Variants in SLIT2 observed in about 807,000 individuals in gnomAD.
SLIT2 encodes slit guidance ligand 2.
SLIT2 carries 41 observed loss-of-function variants against 185.7 expected under a neutral mutation model. That is an observed-to-expected ratio of 0.22 (90% CI 0.17 to 0.29). SLIT2 has a LOEUF of 0.29. Ranked by LOEUF, SLIT2 falls within the 10% of genes least tolerant of loss-of-function variation. The probability of loss-of-function intolerance (pLI) is 1.00; values close to 1 mark genes in which losing one functional copy is unlikely to be tolerated. For synonymous variants in SLIT2, 693 were observed against 680.2 expected, an observed-to-expected ratio of 1.02 and a Z score of -0.29; for missense variants, 1,571 against 1,909.0, an observed-to-expected ratio of 0.82 and a Z score of 3.30.
intron 33 of SLIT2, among the ~76,000 whole-genome samples, chr4:20,604,443 G>A (rs1021331929): frequency 3.3e-5 from 5 of 152,080 alleles, no homozygotes; most frequent in South Asian, 4.2e-4. Context: ...TCTGCCACCC[G>A]GGTTCATGCC....
chr4:20,558,217 A>G (rs750708308), intron 26 of SLIT2, among the ~76,000 whole-genome samples: 3 of 152,064 alleles, frequency 2.0e-5, no homozygotes, highest in Non-Finnish European at 4.4e-5. Flanking sequence ...ATAAAAGGCT[A>G]TCAAACAGCA....
At chr4:20,366,210 TC>T in intron 4 of SLIT2, among the ~76,000 whole-genome samples, 1 of 152,056 alleles carries the variant, frequency 6.6e-6, no homozygotes, top group East Asian at 1.9e-4. Flanking sequence ...TTCCTCTCTT[TC>T]TCCTACTCTT....
chr4:20,513,465 A>G (rs1719931013), intron 11 of SLIT2, among the ~76,000 whole-genome samples: 1 of 152,190 alleles, frequency 6.6e-6, no homozygotes. Flanking sequence ...ATAACTACAC[A>G]CATTTGCAAT....
At chr4:20,377,932 T>C (rs1355854614) in intron 4 of SLIT2, among the ~76,000 whole-genome samples, 1 of 152,196 alleles carries the variant, frequency 6.6e-6, no homozygotes, top group African/African-American at 2.4e-5. Flanking sequence ...AAAAACTATA[T>C]TGAAATCAAT....
At chr4:20,531,241 T>A (rs929909380) in intron 16 of SLIT2, among the ~76,000 whole-genome samples, 2 of 152,138 alleles carry the variant, frequency 1.3e-5, no homozygotes, top group African/African-American at 4.8e-5. Flanking sequence ...TCCTAACTGA[T>A]AAATGGATAA....
intron 29 of SLIT2, among the ~76,000 whole-genome samples, chr4:20,572,988 G>T (rs932648359): frequency 1.3e-5 from 2 of 152,170 alleles, no homozygotes; most frequent in Non-Finnish European, 2.9e-5. Context: ...CAGTAAAACT[G>T]CTGGTTGTTC....
intron 26 of SLIT2, among the ~76,000 whole-genome samples, chr4:20,562,202 T>C (rs1231619641): frequency 6.6e-6 from 1 of 151,920 alleles, no homozygotes; most frequent in Non-Finnish European, 1.5e-5. Flanking sequence ...GCCAATTTAG[T>C]GGCTTCTTTT....
intron 6 of SLIT2, among the ~76,000 whole-genome samples, chr4:20,483,094 A>G (rs925132899): frequency 2.0e-5 from 3 of 152,050 alleles, no homozygotes; most frequent in Non-Finnish European, 4.4e-5. Context: ...TTATGTGGAA[A>G]TAATGAAGGA....
chr4:20,619,933 A>G lies in SLIT2; in HGVS notation c.*924A>G, dbSNP rs1292793795. ...GATTTTTTTTTTTTTTTTTTTGGCA[A>G]TAGTACTAACATAGGGTTTTATCTT... is the stretch of plus-strand genomic sequence containing the variant. On this transcript the variant is annotated 3_prime_UTR_variant, in exon 37 of 37. Transcript: ENST00000504154. 5 of 143,456 alleles carry G rather than the reference A, an allele frequency of 3.5e-5. No individual in the cohort carries two copies. The highest frequency in any genetic ancestry group is 1.3e-4 in the African/African-American group (5 of 38,244). The allele number at this position is 143,456 out of a possible 1,614,324, so 8.9% of individuals were successfully genotyped here.
chr4:20,393,889 G>A (rs183595361), intron 4 of SLIT2, among the ~76,000 whole-genome samples: 1 of 152,174 alleles, frequency 6.6e-6, no homozygotes, highest in Non-Finnish European at 1.5e-5. Context: ...GGCTGTATTG[G>A]TGATCACAGA....
chr4:20,498,060 C>G (rs1718393462), intron 9 of SLIT2, among the ~76,000 whole-genome samples: 1 of 152,106 alleles, frequency 6.6e-6, no homozygotes, highest in Non-Finnish European at 1.5e-5. Context: ...GTAGTCCCAG[C>G]TACTTGGGAG....
chr4:20,567,643 G>C (rs766103277), intron 28 of SLIT2, 28 bp downstream of exon 28: 4 of 1,502,754 alleles, frequency 2.7e-6, no homozygotes, highest in Non-Finnish European at 3.7e-6. Flanking sequence ...GACCATCTGT[G>C]TCTGAAGTAT....
chr4:20,497,867 C>T (rs1718369074), intron 9 of SLIT2, among the ~76,000 whole-genome samples: 1 of 151,890 alleles, frequency 6.6e-6, no homozygotes, highest in Non-Finnish European at 1.5e-5. Context: ...ATTCTTTATA[C>T]TAAAACAAAA....
chr4:20,580,017 T>TA (rs1726407616), intron 29 of SLIT2, among the ~76,000 whole-genome samples: 2 of 143,922 alleles, frequency 1.4e-5, no homozygotes, highest in Admixed American at 7.3e-5. Context: ...ATATAATATA[T>TA]TATTATATAT....
chr4:20,557,780 T>G (rs916797708), intron 26 of SLIT2, among the ~76,000 whole-genome samples: 1 of 152,084 alleles, frequency 6.6e-6, no homozygotes, highest in African/African-American at 2.4e-5. Context: ...CTGGAAAAGA[T>G]TCACCATTCT....
At chr4:20,617,949 T>C (rs1476827416) in intron 36 of SLIT2, among the ~76,000 whole-genome samples, 1 of 152,170 alleles carries the variant, frequency 6.6e-6, no homozygotes, top group African/African-American at 2.4e-5. Context: ...AAATGCTCCT[T>C]TTTACCTGAT....
At chr4:20,565,454 G>T (rs1725015821) in intron 26 of SLIT2, among the ~76,000 whole-genome samples, 1 of 151,882 alleles carries the variant, frequency 6.6e-6, no homozygotes, top group South Asian at 2.1e-4. Context: ...TTATTGTTAG[G>T]TATTATGCTA....
At chr4:20,298,102 T>G (rs1716666483) in intron 4 of SLIT2, among the ~76,000 whole-genome samples, 1 of 151,868 alleles carries the variant, frequency 6.6e-6, no homozygotes, top group South Asian at 2.1e-4. Flanking sequence ...TTTTTTTCCT[T>G]TTTGAGACAG....
intron 30 of SLIT2, among the ~76,000 whole-genome samples, chr4:20,591,447 C>CA: frequency 6.6e-6 from 1 of 151,946 alleles, no homozygotes; most frequent in East Asian, 1.9e-4. Context: ...GTTTAAAATC[C>CA]AAAAATGTAG....
Sources: allele counts gnomAD v4.1 joint callset (sites outside exome capture counted in the v4.1 genomes callset), GRCh38; gene constraint gnomAD v4.1.1; transcripts MANE v1.5; gene names NCBI Gene and HGNC (gene_info 2026-07-23, HGNC 2026-07-21).